Variants in SMARCA2 observed in about 807,000 individuals in gnomAD.
SMARCA2 encodes SWI/SNF-related matrix-associated actin-dependent regulator of chromatin subfamily A member 2.
Under a neutral mutation model 199.8 loss-of-function variants are expected in SMARCA2, and 61 were observed. The observed-to-expected ratio is 0.31, with a 90% CI of 0.25 to 0.38. The LOEUF is 0.38. SMARCA2 is among the 10% of genes least tolerant of loss of function. SMARCA2 has a pLI of 1.00. For synonymous variants in SMARCA2, 935 were observed against 732.0 expected (o/e 1.28, Z -4.48); for missense variants, 1,344 against 2,012.2 (o/e 0.67, Z 6.35).
Position 2,111,041 on chromosome 9 carries a change from G to GT in SMARCA2, c.3456+628dup, listed in dbSNP as rs371262213. 1.0e-3 allele frequency among the ~76,000 whole-genome samples: 150 copies of GT among 147,900 alleles called. 2 individuals carry two copies. The highest frequency in any genetic ancestry group is 3.2e-3 in the African/African-American group (129 of 40,044). On this transcript the variant is annotated intron_variant, in intron 24 of 33. Coordinates refer to ENST00000349721, the MANE Select transcript of SMARCA2 (RefSeq NM_003070.5). ...TATCCTTTTAAAGCAGTACTTTGAT[G>GT]TTTTGTTTTTTTTTTTTTAAATTGA...
chr9:2,174,921 T>C (rs374518417), intron 29 of SMARCA2, among the ~76,000 whole-genome samples: 2 of 47,218 alleles, frequency 4.2e-5, no homozygotes, highest in Admixed American at 3.9e-4. Context: ...TGAGACCCTC[T>C]CTCAAAAAAA....
Position 2,101,585 on chromosome 9 carries a change from C to A in SMARCA2, c.3094C>A (p.His1032Asn). The A allele has an allele frequency of 6.4e-7, 1 of 1,552,174 alleles. No homozygotes were observed. Among genetic ancestry groups the A allele is most frequent in the Non-Finnish European group, 8.8e-7 (1 of 1,135,818 alleles). Residue 1032 changes from histidine to asparagine, a missense_variant, in exon 22 of 34, where the codon CAC becomes AAC. Physicochemically the swap from His to Asn is moderately conservative, Grantham distance 68. Transcript: ENST00000349721. ...FQHIEESFAEHLGYSNGVING... is the reference protein window; with the variant it reads ...FQHIEESFAENLGYSNGVING... ...TCTTTTAAAGGAATCCTTTGCTGAA[C>A]ACCTAGGCTATTCAAATGGGGTCAT...
At position 2,110,139 on chromosome 9, in the gene SMARCA2, C is replaced by T. The variant is rs868140811; in HGVS notation, c.3293-115C>T. The T allele has an allele frequency of 2.6e-5, 17 of 659,158 alleles. No individual in the cohort carries two copies. In the Middle Eastern group the frequency reaches 3.4e-3, roughly 133 times the overall value. 40.8% of individuals were successfully genotyped at this position (659,158 alleles called of 1,614,324 possible). On this transcript the variant is annotated intron_variant, in intron 23 of 33. Transcript: ENST00000349721. The surrounding 1 kb of genome is among the most constrained non-coding windows in gnomAD (Gnocchi z 4.8). The stretch of plus-strand genomic sequence containing the variant: ...GTACAAAGCCCTGGAAATTACCTCA[C>T]CAGTGTTAGGAGGAGTCTGGGTATA...
In SMARCA2 at chr9:2,110,333, G is replaced by A. The variant is rs187902778; in HGVS notation, c.3372G>A (p.Leu1124=). ...GATCCCAGTATTTCATTTTCTTGCT[G>A]AGCACAAGAGCTGGTGGCCTGGGCT... The part of the protein sequence containing the change: ...EPGSQYFIFL[L]STRAGGLGLN... Residue 1124 remains leucine, a synonymous_variant, in exon 24 of 34, where the codon CTG becomes CTA. Transcript: ENST00000349721. The surrounding 1 kb of genome is among the most constrained non-coding windows in gnomAD (Gnocchi z 4.8). 6.2e-7 allele frequency: 1 copy of A among 1,613,530 alleles called. No homozygotes were observed.
intron 9 of SMARCA2, 167 bp downstream of exon 9, chr9:2,061,153 C>T (rs2130365012): frequency 1.6e-6 from 1 of 614,562 alleles, no homozygotes; most frequent in Non-Finnish European, 2.8e-6. Context: ...TGATTAGGTA[C>T]ACTAGACAAC....
chr9:2,119,541 G>A lies in SMARCA2; in HGVS notation c.3762+6G>A, dbSNP rs762931505. ...AAGAATTTGACCTTTTTATGGTAAT[G>A]TTACAGAAAATCATGAACACAAATG... On this transcript the variant is annotated splice_donor_region_variant and intron_variant, in intron 26 of 33. Coordinates refer to ENST00000349721, the MANE Select transcript of SMARCA2 (RefSeq NM_003070.5). This position sits in a 1 kb window ranked among gnomAD's most constrained non-coding sequence, Gnocchi z 4.6. 6.3e-7 allele frequency: 1 copy of A among 1,594,212 alleles called. No individual in the cohort carries two copies. The highest frequency in any genetic ancestry group is 1.1e-5 in the South Asian group (1 of 90,638).
intron 27 of SMARCA2, among the ~76,000 whole-genome samples, chr9:2,132,866 T>G (rs1175282515): frequency 2.6e-5 from 4 of 152,224 alleles, no homozygotes; most frequent in Non-Finnish European, 4.4e-5. Flanking sequence ...TTTTCTGAAA[T>G]CCAGTGACTA....
At chr9:2,190,305 C>T (rs950137446) in intron 32 of SMARCA2, among the ~76,000 whole-genome samples, 1 of 149,656 alleles carries the variant, frequency 6.7e-6, no homozygotes, top group Admixed American at 6.6e-5. Flanking sequence ...TACCAAGATA[C>T]ATTGAAATAG....
intron 10 of SMARCA2, among the ~76,000 whole-genome samples, chr9:2,071,682 T>G (rs1821095005): frequency 6.6e-6 from 1 of 152,220 alleles, no homozygotes. Flanking sequence ...CTGTTCTCAT[T>G]CAGCGCTTTT....
chr9:2,119,354 G>T lies in SMARCA2; in HGVS notation c.3685-104G>T. ...CAGCAACCCCTTCCCTTTTCTTTCT[G>T]CCTTGAGAAATGGGACCCCTCTGGT... On this transcript the variant is annotated intron_variant, in intron 25 of 33. Coordinates refer to ENST00000349721, the MANE Select transcript of SMARCA2 (RefSeq NM_003070.5). This position sits in a 1 kb window ranked among gnomAD's most constrained non-coding sequence, Gnocchi z 4.6. 1 of 725,584 alleles carries T rather than the reference G, an allele frequency of 1.4e-6. No individual in the cohort carries two copies. Among genetic ancestry groups the T allele is most frequent in the Non-Finnish European group, 2.4e-6 (1 of 409,126 alleles). The allele number at this position is 725,584 out of a possible 1,614,324, so 44.9% of individuals were successfully genotyped here. A position where few individuals can be genotyped will look rare whatever the true frequency, so the allele number is the denominator to read the frequency against.
At chr9:2,109,070 C>T (rs1377578655) in intron 23 of SMARCA2, among the ~76,000 whole-genome samples, 1 of 152,140 alleles carries the variant, frequency 6.6e-6, no homozygotes, top group African/African-American at 2.4e-5. Context: ...AAAAACAGAT[C>T]GTCCCCATGT....
In SMARCA2 at chr9:2,096,789, T is replaced by C. The variant is rs1428310498; in HGVS notation, c.2991+25T>C. ...GGTACGTTGCGAAAGATGATGCAACTCAAGGTGCTGTGGTATGTCTTCTCA... is the reference window on the plus strand; with the variant it reads ...GGTACGTTGCGAAAGATGATGCAACCCAAGGTGCTGTGGTATGTCTTCTCA... On this transcript the variant is annotated intron_variant, in intron 20 of 33. Coordinates refer to ENST00000349721, the MANE Select transcript of SMARCA2 (RefSeq NM_003070.5). 4 of 1,347,862 alleles carry C rather than the reference T, an allele frequency of 3.0e-6. No homozygotes were observed. The South Asian group carries it at 4.7e-5, about 16-fold the overall frequency. 83.5% of individuals were successfully genotyped at this position (1,347,862 alleles called of 1,614,324 possible).
At chr9:2,092,659 T>C (rs1323668435) in intron 19 of SMARCA2, among the ~76,000 whole-genome samples, 1 of 152,198 alleles carries the variant, frequency 6.6e-6, no homozygotes, top group African/African-American at 2.4e-5. Flanking sequence ...TTGCCTACTT[T>C]TAGGGACCAG....
rs1182107875 is a variant in SMARCA2, at chr9:2,086,435, G to A, written c.2527-394G>A. On this transcript the variant is annotated intron_variant, in intron 17 of 33. Transcript: ENST00000349721. This position sits in a 1 kb window ranked among gnomAD's most constrained non-coding sequence, Gnocchi z 4.3. The stretch of plus-strand genomic sequence containing the variant: ...TGCTTCAGGTGGGTACCTATATTCT[G>A]TGCCTGTCATGAGCTGAAATAGCAT... Among the ~76,000 whole-genome samples, 1 of 152,180 alleles carries A rather than the reference G, an allele frequency of 6.6e-6. No individual in the cohort carries two copies. The highest frequency in any genetic ancestry group is 1.5e-5 in the Non-Finnish European group (1 of 68,026).
chr9:2,063,295 C>G (rs1451239051), intron 9 of SMARCA2, among the ~76,000 whole-genome samples: 1 of 152,202 alleles, frequency 6.6e-6, no homozygotes, highest in Non-Finnish European at 1.5e-5. Flanking sequence ...TCCAGATGCA[C>G]TTTTATTCAA....
chr9:2,089,215 C>G (rs958972668), intron 19 of SMARCA2, among the ~76,000 whole-genome samples: 2 of 152,104 alleles, frequency 1.3e-5, no homozygotes, highest in Non-Finnish European at 2.9e-5. Context: ...GAAACTTAGT[C>G]TGCAGTACTT....
intron 31 of SMARCA2, among the ~76,000 whole-genome samples, chr9:2,184,063 C>G (rs1435398005): frequency 6.6e-6 from 1 of 152,134 alleles, no homozygotes; most frequent in Non-Finnish European, 1.5e-5. Flanking sequence ...CATTTACTGC[C>G]TCTCTTCCCA....
intron 27 of SMARCA2, among the ~76,000 whole-genome samples, chr9:2,144,141 C>G (rs1224257731): frequency 2.0e-5 from 3 of 152,088 alleles, no homozygotes; most frequent in African/African-American, 7.2e-5. Flanking sequence ...CAGAAGTTAA[C>G]TTGGAAATGA....
intron 27 of SMARCA2, among the ~76,000 whole-genome samples, chr9:2,135,862 GAC>G (rs1316177785): frequency 6.6e-6 from 1 of 151,302 alleles, no homozygotes; most frequent in African/African-American, 2.4e-5. Context: ...TTTTTTTTGA[GAC>G]AGAGTTTTGC....
Sources: allele counts gnomAD v4.1 joint callset (sites outside exome capture counted in the v4.1 genomes callset), GRCh38; gene constraint gnomAD v4.1.1; non-coding constraint Gnocchi (gnomAD v3.1); transcripts MANE v1.5; gene names NCBI Gene and HGNC (gene_info 2026-07-23, HGNC 2026-07-21).